METTL15: variants seen among roughly 807,000 people sequenced by gnomAD.
METTL15 encodes 12S rRNA N(4)-cytidine methyltransferase METTL15.
In METTL15, 34 loss-of-function variants were observed where a neutral mutation model predicts 38.3. The observed-to-expected ratio is 0.89, with a 90% CI of 0.68 to 1.18. The LOEUF is 1.18. Among genes scored for constraint, METTL15 ranks in the 50% most tolerant of loss-of-function variants. The probability of loss-of-function intolerance (pLI) is 0.00; values close to 1 mark genes in which losing one functional copy is unlikely to be tolerated. For synonymous variants in METTL15, 162 were observed against 170.9 expected (o/e 0.95, Z 0.41); for missense variants, 438 against 498.4 (o/e 0.88, Z 1.15).
intron 3 of METTL15, among the ~76,000 whole-genome samples, chr11:28,201,619 G>GTGTGTGTGTGTGTGTGTGTC (rs1852119823): frequency 6.6e-6 from 1 of 151,744 alleles, no homozygotes; most frequent in African/African-American, 2.4e-5. Flanking sequence ...GGGTGTGTGT[G>GTGTGTGTGTGTGTGTGTGTC]TGTGTCCAGG....
intron 6 of METTL15, among the ~76,000 whole-genome samples, chr11:28,298,054 A>G (rs1480711668): frequency 2.0e-5 from 3 of 152,022 alleles, no homozygotes; most frequent in African/African-American, 7.2e-5. Flanking sequence ...TTTAAGCCAC[A>G]TATCTCAGGG....
chr11:28,314,090 G>T (rs1295300739), intron 6 of METTL15, among the ~76,000 whole-genome samples: 3 of 152,134 alleles, frequency 2.0e-5, no homozygotes, highest in African/African-American at 2.4e-5. Flanking sequence ...TATAATTTAT[G>T]ATTTAATTAA....
At chr11:28,393,981 T>C (rs1008805840) in intron 5 of METTL15, among the ~76,000 whole-genome samples, 2 of 151,998 alleles carry the variant, frequency 1.3e-5, no homozygotes, top group Admixed American at 6.6e-5. Context: ...TATGTGTGTG[T>C]ATGTGTGTGT....
chr11:28,289,329 A>C lies in METTL15; in HGVS notation c.408-877A>C, dbSNP rs556610231. On this transcript the variant is annotated intron_variant, in intron 4 of 6. Transcript: ENST00000407364. Reference sequence around the variant, plus strand: ...TTGGAATTGTATTTAAAAATTACTAATGAGCTGTTGAAGTTCACCTTAAAC... The same window carrying C: ...TTGGAATTGTATTTAAAAATTACTACTGAGCTGTTGAAGTTCACCTTAAAC... 2.6e-5 allele frequency among the ~76,000 whole-genome samples: 4 copies of C among 152,300 alleles called. No homozygotes were observed. The East Asian group carries it at 7.7e-4, about 29-fold the overall frequency.
At chr11:28,292,472 G>A (rs1856556410) in intron 5 of METTL15, among the ~76,000 whole-genome samples, 1 of 151,812 alleles carries the variant, frequency 6.6e-6, no homozygotes, top group Admixed American at 6.6e-5. Context: ...TGGACATTTG[G>A]GTCAGTTCCA....
chr11:28,349,522 A>G (rs556202171), intron 3 of METTL15, among the ~76,000 whole-genome samples: 1 of 152,344 alleles, frequency 6.6e-6, no homozygotes, highest in Non-Finnish European at 1.5e-5. Context: ...TTAAAAAGAG[A>G]AAGCAAGTAT....
rs1036834831 is a variant in METTL15 at position 28,380,484 on chromosome 11, T to C, written c.*358+18448T>C. ...GTCAATTTAGATTCATTGTTATTAC[T>C]GATAATTAATAATTTATTACTGCTA... On this transcript the variant is annotated intron_variant and NMD_transcript_variant, in intron 5 of 7. Coordinates refer to the METTL15 transcript ENST00000532947. Among the ~76,000 whole-genome samples, 5 of 152,318 alleles carry C rather than the reference T, an allele frequency of 3.3e-5. No individual in the cohort carries two copies. In the East Asian group the frequency reaches 9.6e-4, roughly 29 times the overall value.
At chr11:28,507,124 A>G (rs1272227203) in intron 6 of METTL15, among the ~76,000 whole-genome samples, 1 of 152,166 alleles carries the variant, frequency 6.6e-6, no homozygotes, top group Non-Finnish European at 1.5e-5. Context: ...AAATGTCTAC[A>G]TTAATTAGAC....
At chr11:28,378,306 A>G (rs1413857493) in intron 5 of METTL15, among the ~76,000 whole-genome samples, 2 of 152,136 alleles carry the variant, frequency 1.3e-5, no homozygotes, top group South Asian at 4.1e-4. Flanking sequence ...GCAATCAGCG[A>G]TACTCCGTGG....
chr11:28,209,003 C>G (rs1852502331), intron 3 of METTL15, among the ~76,000 whole-genome samples: 1 of 151,906 alleles, frequency 6.6e-6, no homozygotes, highest in African/African-American at 2.4e-5. Flanking sequence ...TTTTTGGTTT[C>G]TGTGTTACAC....
chr11:28,158,966 C>A (rs543667411), intron 3 of METTL15, among the ~76,000 whole-genome samples: 1 of 152,042 alleles, frequency 6.6e-6, no homozygotes, highest in African/African-American at 2.4e-5. Context: ...CCGGGATTCA[C>A]GGGTCCAGGA....
At chr11:28,425,931 T>C (rs892047673) in intron 6 of METTL15, among the ~76,000 whole-genome samples, 2 of 152,192 alleles carry the variant, frequency 1.3e-5, no homozygotes, top group African/African-American at 4.8e-5. Context: ...TGCATGACTT[T>C]GGGCAATTTA....
intron 3 of METTL15, among the ~76,000 whole-genome samples, chr11:28,186,552 A>ATAGATAACTAT (rs1303595934): frequency 6.6e-6 from 1 of 151,302 alleles, no homozygotes; most frequent in African/African-American, 2.4e-5. Flanking sequence ...TGACTTAATT[A>ATAGATAACTAT]TAGATAACTA....
chr11:28,115,215 G>C (rs1851888070), intron 3 of METTL15, among the ~76,000 whole-genome samples: 1 of 151,944 alleles, frequency 6.6e-6, no homozygotes, highest in Admixed American at 6.6e-5. Context: ...CAGAAACCTT[G>C]CTGAAAACAT....
intron 6 of METTL15, among the ~76,000 whole-genome samples, chr11:28,523,447 A>G (rs750687069): frequency 6.6e-6 from 1 of 152,234 alleles, no homozygotes; most frequent in African/African-American, 2.4e-5. Flanking sequence ...AGAACGACAT[A>G]TTGGAAGCTG....
intron 5 of METTL15, among the ~76,000 whole-genome samples, chr11:28,373,584 G>A (rs978408453): frequency 1.3e-5 from 2 of 151,858 alleles, no homozygotes; most frequent in East Asian, 1.9e-4. Flanking sequence ...TCACTCTGAT[G>A]GTAGTTTCTT....
chr11:28,401,364 G>A (rs572390807), intron 5 of METTL15, among the ~76,000 whole-genome samples: 1 of 151,914 alleles, frequency 6.6e-6, no homozygotes, highest in South Asian at 2.1e-4. Context: ...CTGTTTTTTA[G>A]TAATTATTAC....
chr11:28,459,345 CT>C (rs535760433), intron 6 of METTL15, among the ~76,000 whole-genome samples: 30 of 152,040 alleles, frequency 2.0e-4, no homozygotes, highest in Non-Finnish European at 3.5e-4. Context: ...TGAAGATAAA[CT>C]GATGCCCAAT....
At chr11:28,246,108 A>G (rs1469038930) in intron 4 of METTL15, among the ~76,000 whole-genome samples, 2 of 152,160 alleles carry the variant, frequency 1.3e-5, no homozygotes, top group African/African-American at 4.8e-5. Context: ...TATAGAAGAA[A>G]TAAAGCAATG....
Sources: allele counts gnomAD v4.1 joint callset (sites outside exome capture counted in the v4.1 genomes callset), GRCh38; gene constraint gnomAD v4.1.1; transcripts MANE v1.5; gene names NCBI Gene and HGNC (gene_info 2026-07-23, HGNC 2026-07-21).